Variants in DCDC2C observed in about 807,000 individuals in gnomAD.
The protein encoded by DCDC2C is doublecortin domain containing 2C.
In DCDC2C, 44 loss-of-function variants were observed where a neutral mutation model predicts 45.0. The ratio of observed to expected loss-of-function variants is 0.98; its 90% CI spans 0.77 to 1.26. DCDC2C has a LOEUF of 1.26. DCDC2C is among the 50% of genes most tolerant of loss of function. The pLI is 0.00. For missense variants in DCDC2C, 447 were observed against 468.9 expected (o/e 0.95, Z 0.43); for synonymous variants, 187 against 178.8 (o/e 1.05, Z -0.37).
In DCDC2C at chr2:3,773,102, C is replaced by T. The variant is rs145443160; in HGVS notation, c.954+3691C>T. On this transcript the variant is annotated intron_variant, in intron 8 of 10. Coordinates refer to ENST00000399143, the MANE Select transcript of DCDC2C (RefSeq NM_001287444.2). ...CTGAACTAAGTGGTTGTGAATAGGA[C>T]GGAAGGCTTAGCTTGTGGGAACTGC... 2.2e-3 allele frequency among the ~76,000 whole-genome samples: 339 copies of T among 152,206 alleles called. 3 individuals are homozygous for T. The highest frequency in any genetic ancestry group is 7.7e-3 in the African/African-American group (318 of 41,520).
chr2:3,756,076 ATG>A (rs557602828), intron 6 of DCDC2C, among the ~76,000 whole-genome samples: 30 of 149,770 alleles, frequency 2.0e-4, no homozygotes, highest in Non-Finnish European at 3.0e-4. Context: ...ATGGATGCAT[ATG>A]TGTGTGTGTG....
chr2:3,829,258 C>T (rs116585487), intron 10 of DCDC2C, among the ~76,000 whole-genome samples: 78 of 150,708 alleles, frequency 5.2e-4, no homozygotes, highest in African/African-American at 1.8e-3. Context: ...ATTCTCATTC[C>T]GTAAGGCTTC....
intron 10 of DCDC2C, among the ~76,000 whole-genome samples, chr2:3,815,027 G>T (rs1671519188): frequency 6.6e-6 from 1 of 152,266 alleles, no homozygotes; most frequent in Non-Finnish European, 1.5e-5. Context: ...AAATGGCTTA[G>T]ACAGCAGGCA....
chr2:3,713,428 G>C (rs1013901079), intron 2 of DCDC2C, among the ~76,000 whole-genome samples: 11 of 152,180 alleles, frequency 7.2e-5, no homozygotes, highest in Admixed American at 7.2e-4. Flanking sequence ...ACCAGAATGA[G>C]GGCCTTCCCC....
chr2:3,738,411 G>A (rs891944733), intron 3 of DCDC2C, among the ~76,000 whole-genome samples: 1 of 152,058 alleles, frequency 6.6e-6, no homozygotes, highest in African/African-American at 2.4e-5. Flanking sequence ...TGTTGGCAGA[G>A]AGTTGAGGAG....
At chr2:3,758,676 GT>G (rs1669793791) in intron 6 of DCDC2C, among the ~76,000 whole-genome samples, 1 of 152,144 alleles carries the variant, frequency 6.6e-6, no homozygotes, top group Admixed American at 6.5e-5. Flanking sequence ...GGCAACAAGG[GT>G]TTATGATTTC....
At chr2:3,791,354 A>G (rs943079019) in intron 10 of DCDC2C, among the ~76,000 whole-genome samples, 8 of 152,090 alleles carry the variant, frequency 5.3e-5, no homozygotes, top group Middle Eastern at 3.4e-3. Flanking sequence ...AACACACGGT[A>G]TTGCATTAGC....
chr2:3,782,707 C>T (rs1034354669), intron 9 of DCDC2C, among the ~76,000 whole-genome samples: 1 of 152,140 alleles, frequency 6.6e-6, no homozygotes, highest in African/African-American at 2.4e-5. Flanking sequence ...TCTCAATCTC[C>T]TGACCTCATG....
At chr2:3,755,573 G>C (rs1669686299) in intron 6 of DCDC2C, among the ~76,000 whole-genome samples, 1 of 152,046 alleles carries the variant, frequency 6.6e-6, no homozygotes, top group African/African-American at 2.4e-5. Context: ...ATGACTATGT[G>C]TGTGTACATA....
intron 10 of DCDC2C, among the ~76,000 whole-genome samples, chr2:3,813,063 ATATATT>A (rs1208467178): frequency 0.011 from 187 of 16,780 alleles, 4 homozygotes; most frequent in South Asian, 0.024. Context: ...ATATATATAT[ATATATT>A]TTTTTTTTTT....
At position 3,703,917 on chromosome 2, in the gene DCDC2C, G is replaced by GTCCC. The variant is rs750097347; in HGVS notation, c.167_170dup (p.Phe58ProfsTer65). The GTCCC allele has an allele frequency of 1.3e-4, 175 of 1,340,110 alleles. 1 individual carries two copies. The South Asian group carries it at 3.1e-3, about 24-fold the overall frequency. 83.0% of individuals were successfully genotyped at this position (1,340,110 alleles called of 1,614,324 possible). A position where few individuals can be genotyped will look rare whatever the true frequency, so the allele number is the denominator to read the frequency against. On this transcript the variant is annotated frameshift_variant, in exon 1 of 11. Coordinates refer to ENST00000399143, the MANE Select transcript of DCDC2C (RefSeq NM_001287444.2). LOFTEE classifies it high-confidence loss of function. This position sits in a 1 kb window ranked among gnomAD's most constrained non-coding sequence, Gnocchi z 4.4. ...GGAGCAGCTCACGGAGCAGGTGGAC[G>GTCCC]TCCCGTTCGGCGTGCGCCGCCTCTT...
intron 6 of DCDC2C, among the ~76,000 whole-genome samples, chr2:3,756,628 T>C (rs1315365202): frequency 2.6e-5 from 4 of 152,264 alleles, no homozygotes; most frequent in Non-Finnish European, 5.9e-5. Context: ...TTGGAAATAA[T>C]GACACTGCTG....
chr2:3,734,233 C>T lies in DCDC2C; in HGVS notation c.416+7154C>T, dbSNP rs2148090839. On this transcript the variant is annotated intron_variant, in intron 3 of 10. Coordinates refer to ENST00000399143, the MANE Select transcript of DCDC2C (RefSeq NM_001287444.2). This position sits in a 1 kb window ranked among gnomAD's most constrained non-coding sequence, Gnocchi z 4.2. ...AGCCCGAGTAAATGATTCATTCAGC[C>T]ACCTGGGCTGATGTAACACATGGCA... 6.6e-6 allele frequency among the ~76,000 whole-genome samples: 1 copy of T among 152,344 alleles called. No homozygotes were observed. The highest frequency in any genetic ancestry group is 2.1e-4 in the South Asian group (1 of 4,832).
intron 10 of DCDC2C, among the ~76,000 whole-genome samples, chr2:3,811,659 G>C (rs898010219): frequency 1.2e-4 from 18 of 152,216 alleles, no homozygotes; most frequent in Non-Finnish European, 2.2e-4. Context: ...GCTTGTACTG[G>C]TTTTCAAAGG....
intron 10 of DCDC2C, among the ~76,000 whole-genome samples, chr2:3,801,347 GTGACAGCACCC>G (rs1671107526): frequency 1.3e-5 from 2 of 152,198 alleles, no homozygotes; most frequent in Admixed American, 1.3e-4. Context: ...TTCTGCAAGG[GTGACAGCACCC>G]TGAAGGGCTG....
intron 2 of DCDC2C, 56 bp downstream of exon 2, chr2:3,708,656 A>G (rs1224654622): frequency 3.0e-6 from 4 of 1,349,012 alleles, no homozygotes; most frequent in Non-Finnish European, 4.1e-6. Context: ...CTTGGTAAAA[A>G]TTTAAATGTC....
At position 3,796,395 on chromosome 2, in the gene DCDC2C, C is replaced by T. The variant is rs1670953302; in HGVS notation, c.1065+11295C>T. On this transcript the variant is annotated intron_variant, in intron 10 of 10. Transcript: ENST00000399143. ...CGCCTAATTGCCCTGGCCAGAACTT[C>T]CAACACTGTGTTGAATAGGAGTAGT... Among the ~76,000 whole-genome samples the T allele has an allele frequency of 1.8e-5, 2 of 113,636 alleles. 1 individual carries two copies. The highest frequency in any genetic ancestry group is 7.4e-5 in the African/African-American group (2 of 26,858). The allele number at this position is 113,636 out of a possible 152,430, so 74.5% of individuals were successfully genotyped here. A position where few individuals can be genotyped will look rare whatever the true frequency, so the allele number is the denominator to read the frequency against.
chr2:3,837,931 C>T (rs978600698), intron 10 of DCDC2C, among the ~76,000 whole-genome samples: 11 of 152,048 alleles, frequency 7.2e-5, no homozygotes, highest in Admixed American at 2.6e-4. Flanking sequence ...GGCCTGTGGA[C>T]GTCTTTTCTG....
At chr2:3,723,495 G>T (rs1034608525) in intron 2 of DCDC2C, among the ~76,000 whole-genome samples, 1 of 152,224 alleles carries the variant, frequency 6.6e-6, no homozygotes, top group African/African-American at 2.4e-5. Flanking sequence ...TGCAAGCATG[G>T]CCAGAGAGCA....
Sources: allele counts gnomAD v4.1 joint callset (sites outside exome capture counted in the v4.1 genomes callset), GRCh38; gene constraint gnomAD v4.1.1; non-coding constraint Gnocchi (gnomAD v3.1); transcripts MANE v1.5; gene names NCBI Gene and HGNC (gene_info 2026-07-23, HGNC 2026-07-21).